The following CCNYL1 variants were observed in gnomAD, a reference collection of about 807,000 sequenced individuals.
CCNYL1 encodes cyclin-Y-like protein 1.
Under a neutral mutation model 44.2 loss-of-function variants are expected in CCNYL1, and 16 were observed. That is an observed-to-expected ratio of 0.36 (90% confidence interval 0.25 to 0.55). CCNYL1 has a LOEUF of 0.55. Among genes scored for constraint, CCNYL1 ranks in the 20% least tolerant of loss-of-function variants. CCNYL1 has a pLI of 0.85. For missense variants in CCNYL1, 348 were observed against 451.8 expected (o/e 0.77, Z 2.08); for synonymous variants, 159 against 163.2 (o/e 0.97, Z 0.20).
At chr2:207,752,910 A>G (rs1427387500) in intron 9 of CCNYL1, among the ~76,000 whole-genome samples, 1 of 119,580 alleles carries the variant, frequency 8.4e-6, no homozygotes, top group East Asian at 2.2e-4. Context: ...ATGGTGGCAC[A>G]TGCCTGTAAT....
At chr2:207,732,979 C>A (rs2091740264) in intron 3 of CCNYL1, among the ~76,000 whole-genome samples, 1 of 152,186 alleles carries the variant, frequency 6.6e-6, no homozygotes, top group Non-Finnish European at 1.5e-5. Context: ...AAGAGTCCTT[C>A]CTTCCCTGGA....
Position 207,755,114 on chromosome 2 carries a change from C to T in CCNYL1, c.*1416C>T, listed in dbSNP as rs1395064242. ...AAGAAATGGGCTGGGCATAGTGATT[C>T]ATGCCTGTAATCTCAGTACCCTGGG... On this transcript the variant is annotated 3_prime_UTR_variant, in exon 10 of 10. Coordinates refer to ENST00000295414, the MANE Select transcript of CCNYL1 (RefSeq NM_001330218.2). 6.6e-6 allele frequency: 1 copy of T among 152,114 alleles called. No homozygotes were observed. Among genetic ancestry groups the T allele is most frequent in the Non-Finnish European group, 1.5e-5 (1 of 68,042 alleles). The allele number at this position is 152,114 out of a possible 1,614,324, so 9.4% of individuals were successfully genotyped here.
intron 2 of CCNYL1, among the ~76,000 whole-genome samples, 175 bp downstream of exon 2, chr2:207,725,049 A>T (rs2091669701): frequency 6.6e-6 from 1 of 152,012 alleles, no homozygotes; most frequent in Admixed American, 6.5e-5. Flanking sequence ...TTGTTTAGTA[A>T]TAACATGTAG....
chr2:207,742,808 G>A (rs538452146), intron 7 of CCNYL1, among the ~76,000 whole-genome samples: 1 of 152,252 alleles, frequency 6.6e-6, no homozygotes, highest in South Asian at 2.1e-4. Context: ...TTGGATGATG[G>A]GTTTTAATCA....
chr2:207,746,388 G>A (rs1575223191), intron 7 of CCNYL1, among the ~76,000 whole-genome samples: 1 of 152,172 alleles, frequency 6.6e-6, no homozygotes, highest in South Asian at 2.1e-4. Context: ...TATCTACCAT[G>A]CAAGTATGAT....
chr2:207,740,737 T>G, intron 6 of CCNYL1, 31 bp downstream of exon 6: 1 of 1,431,680 alleles, frequency 7.0e-7, no homozygotes, highest in Non-Finnish European at 9.8e-7. Context: ...GGTAGTATTT[T>G]TCTCTCATAG....
At position 207,726,888 on chromosome 2, in the gene CCNYL1, G is replaced by A. The variant is rs530430842; in HGVS notation, c.330+12G>A. On this transcript the variant is annotated intron_variant, in intron 3 of 9. Coordinates refer to ENST00000295414, the MANE Select transcript of CCNYL1 (RefSeq NM_001330218.2). ...ACCATTTGAACCATGTAAGTAAACA[G>A]TTGGAAAGCTAAGAAATTAACAGTT... The A allele has an allele frequency of 3.3e-6, 5 of 1,536,918 alleles. No individual in the cohort carries two copies. The highest frequency in any genetic ancestry group is 2.3e-5 in the Admixed American group (1 of 42,864).
chr2:207,716,576 G>A (rs909860829), intron 1 of CCNYL1, among the ~76,000 whole-genome samples: 15 of 152,124 alleles, frequency 9.9e-5, no homozygotes, highest in Non-Finnish European at 1.5e-4. Flanking sequence ...AGGACACCCT[G>A]CTCTATCGCA....
chr2:207,748,531 G>C (rs575931969), intron 8 of CCNYL1, among the ~76,000 whole-genome samples: 1 of 152,184 alleles, frequency 6.6e-6, no homozygotes. Context: ...AGGCTCTCAG[G>C]GTGCCCACCA....
chr2:207,749,308 T>C (rs755076314), intron 8 of CCNYL1, among the ~76,000 whole-genome samples: 6 of 152,240 alleles, frequency 3.9e-5, no homozygotes, highest in Non-Finnish European at 7.3e-5. Context: ...TTTGTAGTGG[T>C]CTCATTTTGA....
intron 3 of CCNYL1, among the ~76,000 whole-genome samples, chr2:207,727,627 T>C (rs1191782986): frequency 1.3e-5 from 2 of 152,204 alleles, no homozygotes; most frequent in African/African-American, 2.4e-5. Flanking sequence ...GCCACATGCC[T>C]ATCAAAAATG....
intron 5 of CCNYL1, among the ~76,000 whole-genome samples, chr2:207,739,225 T>A (rs13386207): frequency 0.015 from 2,223 of 152,086 alleles, 53 homozygotes; most frequent in African/African-American, 0.051. Context: ...TTCATTTTTT[T>A]AAAACTTTTT....
At chr2:207,742,564 C>T (rs1245750826) in intron 7 of CCNYL1, among the ~76,000 whole-genome samples, 6 of 152,206 alleles carry the variant, frequency 3.9e-5, no homozygotes, top group East Asian at 1.9e-4. Flanking sequence ...AAAAGGCAGC[C>T]GGGGAGATTT....
At chr2:207,712,169 T>C in intron 1 of CCNYL1, 53 bp downstream of exon 1, 3 of 1,455,534 alleles carry the variant, frequency 2.1e-6, no homozygotes, top group East Asian at 2.7e-5. Flanking sequence ...GCCCGCCTCC[T>C]CCCCCAGAGT....
chr2:207,750,917 A>G, intron 8 of CCNYL1, 40 bp from the exon 9 acceptor site: 1 of 1,585,908 alleles, frequency 6.3e-7, no homozygotes. Context: ...GTTGACTGAC[A>G]TTGTCCTGTG....
intron 7 of CCNYL1, 115 bp from the exon 8 acceptor site, chr2:207,746,932 A>C (rs1575223536): frequency 1.3e-6 from 1 of 777,654 alleles, no homozygotes. Flanking sequence ...CCGAGATCGC[A>C]CCATTGCACT....
chr2:207,748,617 G>C (rs1559173236), intron 8 of CCNYL1, among the ~76,000 whole-genome samples: 1 of 152,218 alleles, frequency 6.6e-6, no homozygotes, highest in African/African-American at 2.4e-5. Context: ...GAGCAGCAGA[G>C]GAAGATCAAG....
chr2:207,744,401 A>G (rs527839529), intron 7 of CCNYL1, among the ~76,000 whole-genome samples: 4 of 151,866 alleles, frequency 2.6e-5, no homozygotes, highest in East Asian at 1.9e-4. Flanking sequence ...GAGTCTTGCT[A>G]TGTCACCCAG....
At chr2:207,750,930 G>T in intron 8 of CCNYL1, 27 bp from the exon 9 acceptor site, 1 of 1,607,704 alleles carries the variant, frequency 6.2e-7, no homozygotes, top group Non-Finnish European at 8.5e-7. Flanking sequence ...GTCCTGTGCT[G>T]GTTCTGTTGT....
Sources: allele counts gnomAD v4.1 joint callset (sites outside exome capture counted in the v4.1 genomes callset), GRCh38; gene constraint gnomAD v4.1.1; transcripts MANE v1.5; gene names NCBI Gene and HGNC (gene_info 2026-07-23, HGNC 2026-07-21).